AMOT: variants seen among roughly 807,000 people sequenced by gnomAD.
AMOT encodes the protein angiomotin.
In AMOT, 11 loss-of-function variants were observed where a neutral mutation model predicts 67.0. That is an observed-to-expected ratio of 0.16 (90% CI 0.10 to 0.27). The LOEUF (loss-of-function observed/expected upper bound fraction) is 0.27, where lower values mean the gene tolerates loss of function less well. Ranked by LOEUF, AMOT falls within the 10% of genes least tolerant of loss-of-function variation. The pLI is 1.00. For missense variants in AMOT, 753 were observed against 852.0 expected (o/e 0.88, Z 1.45); for synonymous variants, 326 against 321.4 (o/e 1.01, Z -0.15).
chrX:112,791,781 A>C, intron 9 of AMOT, 51 bp downstream of exon 9: 8 of 1,186,179 alleles, frequency 6.7e-6, no homozygotes, highest in Non-Finnish European at 9.1e-6. Flanking sequence ...AACCAGGAAT[A>C]ATGTCATTTT....
intron 10 of AMOT, among the ~76,000 whole-genome samples, chrX:112,787,627 A>G (rs1933410459): frequency 9.0e-6 from 1 of 111,483 alleles, no homozygotes; most frequent in African/African-American, 3.3e-5. Flanking sequence ...ATCAAACCGT[A>G]CGCTTACAAC....
intron 1 of AMOT, among the ~76,000 whole-genome samples, chrX:112,834,364 T>C (rs1279291108): frequency 9.0e-6 from 1 of 111,381 alleles, no homozygotes; most frequent in Non-Finnish European, 1.9e-5. Context: ...ATCAAAAAGA[T>C]TGAAATGTGA....
At chrX:112,812,512 G>C (rs766842614) in intron 5 of AMOT, among the ~76,000 whole-genome samples, 62 of 111,786 alleles carry the variant, frequency 5.5e-4, no homozygotes, top group Non-Finnish European at 1.0e-3. Context: ...CAGAGAGAAA[G>C]GGTCTTCCCC....
At chrX:112,833,028 A>C (rs1190027545) in intron 1 of AMOT, among the ~76,000 whole-genome samples, 2 of 111,935 alleles carry the variant, frequency 1.8e-5, no homozygotes, top group African/African-American at 6.5e-5. Context: ...CTGCCTTCCC[A>C]AGAAGGACTA....
At chrX:112,839,878 G>A (rs757266320) in intron 1 of AMOT, among the ~76,000 whole-genome samples, 8 of 110,573 alleles carry the variant, frequency 7.2e-5, no homozygotes, top group African/African-American at 2.0e-4. Context: ...AGCAGATAGG[G>A]GCAACTCCCT....
intron 8 of AMOT, 49 bp downstream of exon 8, chrX:112,804,898 T>TTGCCCCCCCCCCCCCCC: frequency 7.2e-6 from 6 of 837,582 alleles, no homozygotes; most frequent in Non-Finnish European, 6.9e-6. Flanking sequence ...GTCCCCGATT[T>TTGCCCCCCCCCCCCCCC]CCCAGCCCTC....
In AMOT at chrX:112,778,513, G is replaced by C; in HGVS notation, c.*54C>G. 1 of 1,088,792 alleles carries C rather than the reference G, an allele frequency of 9.2e-7. No homozygotes were observed. The highest frequency in any genetic ancestry group is 2.3e-5 in the Admixed American group (1 of 44,333). The allele number at this position is 1,088,792 out of a possible 1,213,427, so 89.7% of individuals were successfully genotyped here. Reference sequence around the variant, plus strand: ...CTCAAAACAAGAACCAATAAAAGGGGGAAAATGATTAAAAGCATTTTTGCT... The same window carrying C: ...CTCAAAACAAGAACCAATAAAAGGGCGAAAATGATTAAAAGCATTTTTGCT... On this transcript the variant is annotated 3_prime_UTR_variant, in exon 14 of 14. Transcript: ENST00000371959.
At chrX:112,787,655 G>A (rs775760679) in intron 10 of AMOT, among the ~76,000 whole-genome samples, 1 of 110,912 alleles carries the variant, frequency 9.0e-6, no homozygotes, top group Non-Finnish European at 1.9e-5. Context: ...TTTTTAATAT[G>A]TAACCAATAT....
rs2286065 is a variant in AMOT, at chrX:112,778,068, T to C, written c.*499A>G. On this transcript the variant is annotated 3_prime_UTR_variant, in exon 14 of 14. Transcript: ENST00000371959. ...CCTTTTTTCCAGCTTACATAGCTCC[T>C]GAAACTATTCCCTTTTGTAAGCCTG... 29,466 of 110,848 alleles carry C rather than the reference T, an allele frequency of 0.27. 4,018 individuals carry two copies. The highest frequency in any genetic ancestry group is 0.52 in the African/African-American group (15,675 of 30,121). 9.1% of individuals were successfully genotyped at this position (110,848 alleles called of 1,213,427 possible). A position where few individuals can be genotyped will look rare whatever the true frequency, so the allele number is the denominator to read the frequency against.
At chrX:112,830,272 C>G (rs1011409695) in intron 2 of AMOT, among the ~76,000 whole-genome samples, 1 of 111,844 alleles carries the variant, frequency 8.9e-6, no homozygotes, top group Admixed American at 9.5e-5. Flanking sequence ...ACCATAAATA[C>G]TTTTTCCATG....
intron 3 of AMOT, among the ~76,000 whole-genome samples, chrX:112,824,401 A>G (rs1255093118): frequency 8.9e-6 from 1 of 112,077 alleles, no homozygotes; most frequent in Non-Finnish European, 1.9e-5. Context: ...TCAGGTTTCT[A>G]GATGGCAACT....
At chrX:112,824,485 C>CT (rs1470050267) in intron 3 of AMOT, among the ~76,000 whole-genome samples, 3 of 111,643 alleles carry the variant, frequency 2.7e-5, no homozygotes, top group African/African-American at 6.5e-5. Context: ...ACACGAACCC[C>CT]TTTCTTTTGG....
intron 8 of AMOT, 36 bp from the exon 9 acceptor site, chrX:112,792,017 G>C: frequency 8.3e-7 from 1 of 1,202,958 alleles, no homozygotes; most frequent in Non-Finnish European, 1.1e-6. Context: ...CAAGGTGAAA[G>C]GAAAAACAGC....
chrX:112,792,980 C>CTTCTTCTTTAAAGAAGATATATATA (rs1933667130), intron 8 of AMOT, among the ~76,000 whole-genome samples: 1 of 87,374 alleles, frequency 1.1e-5, no homozygotes, highest in African/African-American at 5.8e-5. Context: ...AGATATATAT[C>CTTCTTCTTTAAAGAAGATATATATA]TTCTTCTTTA....
At chrX:112,813,786 A>C (rs1934445073) in intron 5 of AMOT, among the ~76,000 whole-genome samples, 1 of 111,917 alleles carries the variant, frequency 8.9e-6, no homozygotes, top group African/African-American at 3.3e-5. Context: ...CTAATCAGCC[A>C]GACTGGGTTT....
At chrX:112,803,652 C>T (rs7881559) in intron 8 of AMOT, among the ~76,000 whole-genome samples, 2,055 of 111,721 alleles carry the variant, frequency 0.018, 54 homozygotes, top group African/African-American at 0.062. Flanking sequence ...TACAGCCCAA[C>T]TCCAACAAGC....
In AMOT at chrX:112,805,063, G is replaced by A. The variant is rs1264557128; in HGVS notation, c.1660C>T (p.Leu554=). ...CGGGCAGTGGCCAGCTCCGCTTCCAGCTTCTCCTTCTCACGCTGGCTTTCT... is the reference window on the plus strand; with the variant it reads ...CGGGCAGTGGCCAGCTCCGCTTCCAACTTCTCCTTCTCACGCTGGCTTTCT... ...NKESQREKEK[L]EAELATARST... The change falls in exon 8 of 14, where the codon CTG becomes TTG. Residue 554 remains leucine (L), a synonymous_variant. Coordinates refer to ENST00000371959, the MANE Select transcript of AMOT (RefSeq NM_001113490.2). The A allele has an allele frequency of 2.5e-6, 3 of 1,211,712 alleles. No individual in the cohort carries two copies. The South Asian group carries it at 5.3e-5, about 21-fold the overall frequency.
intron 11 of AMOT, 62 bp from the exon 12 acceptor site, chrX:112,781,180 G>T: frequency 1.9e-6 from 2 of 1,058,889 alleles, no homozygotes; most frequent in East Asian, 3.0e-5. Flanking sequence ...GGTGGCTTAC[G>T]CCTGTAATCC....
Position 112,823,049 on chromosome X carries a change from G to A in AMOT, c.78C>T (p.Gly26=). Residue 26 remains glycine (G), a synonymous_variant, in exon 4 of 14, where the codon GGC becomes GGT. Transcript: ENST00000371959. ...QRLLQEQLRY[G]NPSENRSLLA... ...GCAGGCTGCGATTCTCACTAGGATT[G>A]CCATAGCGAAGCTGCTCTTGTAGCA... is the stretch of plus-strand genomic sequence containing the variant. 8.6e-7 allele frequency: 1 copy of A among 1,167,567 alleles called. No homozygotes were observed. The highest frequency in any genetic ancestry group is 1.1e-6 in the Non-Finnish European group (1 of 872,985).
Sources: allele counts gnomAD v4.1 joint callset (sites outside exome capture counted in the v4.1 genomes callset), GRCh38; gene constraint gnomAD v4.1.1; transcripts MANE v1.5; gene names NCBI Gene and HGNC (gene_info 2026-07-23, HGNC 2026-07-21).